SLC15A1: variants seen among roughly 807,000 people sequenced by gnomAD.
SLC15A1 encodes the protein solute carrier family 15 member 1.
SLC15A1 carries 83 observed loss-of-function variants against 92.9 expected under a neutral mutation model. The ratio of observed to expected loss-of-function variants is 0.89; its 90% confidence interval spans 0.75 to 1.07. SLC15A1 has a LOEUF of 1.07. Ranked by LOEUF, SLC15A1 falls within the 50% of genes least tolerant of loss-of-function variation. The pLI is 0.00. For missense variants in SLC15A1, 857 were observed against 880.1 expected (o/e 0.97, Z 0.33); for synonymous variants, 322 against 318.2 (o/e 1.01, Z -0.13).
chr13:98,708,578 G>T, intron 15 of SLC15A1, 108 bp downstream of exon 15: 1 of 905,088 alleles, frequency 1.1e-6, no homozygotes, highest in Middle Eastern at 2.6e-4. Flanking sequence ...AGTTTACAGA[G>T]AAAGACCTTG....
intron 11 of SLC15A1, among the ~76,000 whole-genome samples, 197 bp from the exon 12 acceptor site, chr13:98,710,108 G>A (rs113204733): frequency 1.2e-4 from 18 of 152,292 alleles, no homozygotes; most frequent in African/African-American, 3.1e-4. Context: ...TCTAGCGTAC[G>A]AGTGAACACA....
At chr13:98,690,424 T>C (rs1166899830) in intron 18 of SLC15A1, among the ~76,000 whole-genome samples, 4 of 152,166 alleles carry the variant, frequency 2.6e-5, no homozygotes, top group African/African-American at 9.7e-5. Flanking sequence ...GAGCTGCTTT[T>C]ATCAAAGATG....
intron 1 of SLC15A1, among the ~76,000 whole-genome samples, chr13:98,747,500 G>A (rs1251740633): frequency 1.3e-5 from 2 of 152,148 alleles, no homozygotes; most frequent in African/African-American, 4.8e-5. Context: ...AGGATTCCTG[G>A]TAGCTCAACT....
intron 17 of SLC15A1, 122 bp from the exon 18 acceptor site, chr13:98,702,651 G>A (rs1180204010): frequency 1.4e-5 from 11 of 800,996 alleles, no homozygotes; most frequent in Admixed American, 2.1e-5. Context: ...CTAAGGACAT[G>A]GTTACATTAG....
intron 1 of SLC15A1, among the ~76,000 whole-genome samples, chr13:98,743,795 G>A (rs1002954473): frequency 2.0e-5 from 3 of 151,986 alleles, no homozygotes; most frequent in African/African-American, 7.3e-5. Context: ...CTCTTTAAAT[G>A]CCAGACTGCC....
rs1490051867 is a variant in SLC15A1, at chr13:98,744,085, AC to A, written c.4+8509del. On this transcript the variant is annotated intron_variant, in intron 1 of 22. Transcript: ENST00000376503. ...CAAGACCCCACCTCTACAAAAAATA[AC>A]AAAAATTAGCCAGGCATAGTGGCAC... is the stretch of plus-strand genomic sequence containing the variant. Among the ~76,000 whole-genome samples, 16 of 152,128 alleles carry A rather than the reference AC, an allele frequency of 1.1e-4. No homozygotes were observed. The East Asian group carries it at 3.1e-3, about 29-fold the overall frequency.
chr13:98,685,059 A>G, intron 22 of SLC15A1, 144 bp from the exon 23 acceptor site: 1 of 709,560 alleles, frequency 1.4e-6, no homozygotes, highest in Non-Finnish European at 2.3e-6. Context: ...TAAGCAACCA[A>G]TACAGATACA....
intron 18 of SLC15A1, among the ~76,000 whole-genome samples, chr13:98,701,846 A>ATTT (rs1566445859): frequency 2.0e-5 from 3 of 151,144 alleles, no homozygotes; most frequent in African/African-American, 4.9e-5. Flanking sequence ...ATTTTTTTTA[A>ATTT]AAATTTTTAT....
At chr13:98,729,380 T>A (rs532359937) in intron 1 of SLC15A1, among the ~76,000 whole-genome samples, 38 of 152,320 alleles carry the variant, frequency 2.5e-4, no homozygotes, top group African/African-American at 8.7e-4. Context: ...GTGGCTGGTA[T>A]TTGAGAAGAC....
chr13:98,728,492 T>G (rs1237665503), intron 1 of SLC15A1, among the ~76,000 whole-genome samples: 1 of 152,170 alleles, frequency 6.6e-6, no homozygotes, highest in African/African-American at 2.4e-5. Flanking sequence ...CTCACTCATA[T>G]GTAGGAGCTA....
intron 18 of SLC15A1, among the ~76,000 whole-genome samples, chr13:98,697,883 T>G (rs547607488): frequency 6.6e-6 from 1 of 152,304 alleles, no homozygotes; most frequent in African/African-American, 2.4e-5. Context: ...GGATAGTGGT[T>G]CAGCAGGACG....
Position 98,723,914 on chromosome 13 carries a change from G to A in SLC15A1, c.363C>T (p.His121=), listed in dbSNP as rs2088278601. The A allele has an allele frequency of 3.1e-6, 5 of 1,614,120 alleles. No homozygotes were observed. The highest frequency in any genetic ancestry group is 1.1e-5 in the South Asian group (1 of 91,078). The change falls in exon 5 of 23, where the codon CAC becomes CAT. Residue 121 remains histidine, a splice_region_variant and synonymous_variant. Transcript: ENST00000376503. ...HDGTPDSLPV[H]VVLSLIGLAL... ...GGCAGCAGTGAGCACCAACTCACAC[G>A]TGCACAGGAAGGCTGTCGGGGGTGC...
rs1187969069 is a variant in SLC15A1, at chr13:98,706,269, GA to G, written c.1150-17del. The G allele has an allele frequency of 1.2e-6, 2 of 1,609,846 alleles. No homozygotes were observed. Among genetic ancestry groups the G allele is most frequent in the East Asian group, 4.5e-5 (2 of 44,776 alleles). On this transcript the variant is annotated splice_polypyrimidine_tract_variant and intron_variant, in intron 15 of 22. Coordinates refer to ENST00000376503, the MANE Select transcript of SLC15A1 (RefSeq NM_005073.4). ...GAAGAGTTTTCTGAGCAAAATAAAAGAAAATTGGCAGTGAGGTCTTCAATAC... is the reference window on the plus strand; with the variant it reads ...GAAGAGTTTTCTGAGCAAAATAAAAGAAATTGGCAGTGAGGTCTTCAATAC...
intron 1 of SLC15A1, among the ~76,000 whole-genome samples, chr13:98,745,394 T>C (rs1367976151): frequency 1.3e-5 from 2 of 152,178 alleles, no homozygotes; most frequent in African/African-American, 2.4e-5. Flanking sequence ...TCGAATAGTG[T>C]CCTGCCCATC....
intron 8 of SLC15A1, among the ~76,000 whole-genome samples, chr13:98,716,600 T>G (rs1228083048): frequency 1.3e-5 from 2 of 151,876 alleles, no homozygotes; most frequent in Non-Finnish European, 2.9e-5. Flanking sequence ...CCAGTCTCGG[T>G]GACAGAGTGA....
chr13:98,710,754 G>C (rs1347411400), intron 11 of SLC15A1, among the ~76,000 whole-genome samples: 7 of 134,442 alleles, frequency 5.2e-5, no homozygotes, highest in Non-Finnish European at 1.1e-4. Flanking sequence ...GTGGCAGTGA[G>C]CCAAGATAGT....
intron 18 of SLC15A1, among the ~76,000 whole-genome samples, chr13:98,689,063 C>G (rs975895834): frequency 6.6e-6 from 1 of 152,172 alleles, no homozygotes; most frequent in African/African-American, 2.4e-5. Context: ...CCTCAGCCTC[C>G]CGCGTAGTTG....
chr13:98,719,153 G>A (rs2088234194), intron 8 of SLC15A1, 84 bp downstream of exon 8: 2 of 907,432 alleles, frequency 2.2e-6, no homozygotes, highest in East Asian at 2.5e-5. Context: ...CTTGTTACAT[G>A]CACTTTAAAA....
At position 98,686,312 on chromosome 13, in the gene SLC15A1, C is replaced by G. The variant is rs781625377; in HGVS notation, c.1828-15G>C. 6.4e-6 allele frequency: 10 copies of G among 1,572,262 alleles called. No individual in the cohort carries two copies. The South Asian group carries it at 1.1e-4, about 18-fold the overall frequency. ...TTGGAAGGAGCCTGAGGAAGCAAAG[C>G]AAAGTGAGTCCTGCTCCAGGTCTCA... On this transcript the variant is annotated splice_polypyrimidine_tract_variant and intron_variant, in intron 21 of 22. Coordinates refer to ENST00000376503, the MANE Select transcript of SLC15A1 (RefSeq NM_005073.4).
Sources: allele counts gnomAD v4.1 joint callset (sites outside exome capture counted in the v4.1 genomes callset), GRCh38; gene constraint gnomAD v4.1.1; transcripts MANE v1.5; gene names NCBI Gene and HGNC (gene_info 2026-07-23, HGNC 2026-07-21).